NXN: variants seen among roughly 807,000 people sequenced by gnomAD.
The protein encoded by NXN is nucleoredoxin, also known as nucleoredoxin 1.
Under a neutral mutation model 48.6 loss-of-function variants are expected in NXN, and 16 were observed. The observed-to-expected ratio is 0.33, with a 90% CI of 0.22 to 0.50. The LOEUF is 0.50. Ranked by LOEUF, NXN falls within the 20% of genes least tolerant of loss-of-function variation. NXN has a pLI of 0.98. For synonymous variants in NXN, 281 were observed against 269.6 expected, an observed-to-expected ratio of 1.04 and a Z score of -0.41; for missense variants, 492 against 605.5, an observed-to-expected ratio of 0.81 and a Z score of 1.97.
intron 1 of NXN, among the ~76,000 whole-genome samples, chr17:857,870 C>T (rs2068002108): frequency 6.6e-6 from 1 of 152,114 alleles, no homozygotes. Context: ...TTCTTTCGGT[C>T]CTTCCAATTA....
intron 1 of NXN, among the ~76,000 whole-genome samples, chr17:895,538 C>A (rs988129147): frequency 6.6e-6 from 1 of 151,618 alleles, no homozygotes; most frequent in Non-Finnish European, 1.5e-5. Context: ...TGTGGCCGGG[C>A]GCAGTGGCTC....
At chr17:975,274 CT>C (rs1015991393) in intron 1 of NXN, among the ~76,000 whole-genome samples, 3 of 152,220 alleles carry the variant, frequency 2.0e-5, no homozygotes, top group African/African-American at 7.2e-5. Context: ...TTTTTGCCAT[CT>C]TTTCCCACCT....
At chr17:808,866 G>A (rs1048252488) in intron 5 of NXN, among the ~76,000 whole-genome samples, 5 of 136,340 alleles carry the variant, frequency 3.7e-5, no homozygotes, top group Non-Finnish European at 6.2e-5. Context: ...TAGTAGAGAC[G>A]GGGTTTCACC....
chr17:949,740 C>G (rs532731096), intron 1 of NXN, among the ~76,000 whole-genome samples: 2 of 149,922 alleles, frequency 1.3e-5, no homozygotes, highest in East Asian at 3.9e-4. Flanking sequence ...CCCCGCGGGC[C>G]TCCTCTGTTA....
intron 1 of NXN, among the ~76,000 whole-genome samples, chr17:960,489 G>A (rs1393547250): frequency 6.6e-6 from 1 of 151,516 alleles, no homozygotes; most frequent in Non-Finnish European, 1.5e-5. Context: ...GACTACAGGT[G>A]TGCACCAACA....
intron 1 of NXN, among the ~76,000 whole-genome samples, chr17:942,416 T>C (rs868020267): frequency 3.5e-4 from 14 of 40,182 alleles, no homozygotes; most frequent in Middle Eastern, 0.022. Context: ...CAGCCATGAA[T>C]TCACCACACA....
intron 1 of NXN, among the ~76,000 whole-genome samples, chr17:951,374 G>C (rs2069108746): frequency 6.7e-6 from 1 of 150,362 alleles, no homozygotes; most frequent in African/African-American, 2.4e-5. Flanking sequence ...AGACTGAACA[G>C]CTTCTCTTTA....
intron 1 of NXN, among the ~76,000 whole-genome samples, chr17:865,992 G>GA (rs1156938007): frequency 6.6e-6 from 1 of 151,050 alleles, no homozygotes; most frequent in Non-Finnish European, 1.5e-5. Context: ...CAAAAAAAAA[G>GA]AAAAAAAAGT....
chr17:883,842 G>A (rs2068312317), intron 1 of NXN, among the ~76,000 whole-genome samples: 2 of 152,198 alleles, frequency 1.3e-5, no homozygotes, highest in African/African-American at 2.4e-5. Flanking sequence ...GGGAGGCCCA[G>A]GCAGGCGGAT....
chr17:888,118 C>T (rs550921622), intron 1 of NXN, among the ~76,000 whole-genome samples: 1 of 152,116 alleles, frequency 6.6e-6, no homozygotes, highest in East Asian at 1.9e-4. Flanking sequence ...GTACGGGGTA[C>T]AGAGAGGGAC....
intron 1 of NXN, among the ~76,000 whole-genome samples, chr17:900,007 C>G (rs1413598116): frequency 6.6e-6 from 1 of 152,054 alleles, no homozygotes; most frequent in East Asian, 1.9e-4. Context: ...GGCTCATGCC[C>G]GTAATCCCAG....
At chr17:843,017 AAAGAAAG>A (rs1386157275) in intron 1 of NXN, among the ~76,000 whole-genome samples, 2 of 113,744 alleles carry the variant, frequency 1.8e-5, no homozygotes, top group African/African-American at 7.0e-5. Context: ...AGAAAGAAAG[AAAGAAAG>A]AAAGAAAGAA....
intron 1 of NXN, among the ~76,000 whole-genome samples, chr17:889,759 GAAAA>G (rs10587118): frequency 0.018 from 1,059 of 59,760 alleles, 39 homozygotes; most frequent in South Asian, 0.062. Flanking sequence ...AAGAAAGAAA[GAAAA>G]AGAAAGAAAG....
At chr17:937,191 C>T (rs1490932721) in intron 1 of NXN, among the ~76,000 whole-genome samples, 1 of 152,038 alleles carries the variant, frequency 6.6e-6, no homozygotes, top group Non-Finnish European at 1.5e-5. Flanking sequence ...ATCATGTTGG[C>T]CGGGCTGGTC....
chr17:928,192 A>G (rs976182284), intron 1 of NXN, among the ~76,000 whole-genome samples: 3 of 152,146 alleles, frequency 2.0e-5, no homozygotes, highest in African/African-American at 4.8e-5. Context: ...GGGGGTCTCA[A>G]GAGCACAGAG....
In NXN at chr17:916,189, G is replaced by A. The variant is rs181174080; in HGVS notation, c.360+63130C>T. On this transcript the variant is annotated intron_variant, in intron 1 of 7. Coordinates refer to ENST00000336868, the MANE Select transcript of NXN (RefSeq NM_022463.5). Reference sequence around the variant, plus strand: ...ACTTTGCTAGAAATCCTGGCACGTCGGCAACAGAAATGGAGGCAGAAAATT... The same window carrying A: ...ACTTTGCTAGAAATCCTGGCACGTCAGCAACAGAAATGGAGGCAGAAAATT... Among the ~76,000 whole-genome samples the A allele has an allele frequency of 8.1e-3, 1,228 of 152,186 alleles. 22 individuals are homozygous for A. Among genetic ancestry groups the A allele is most frequent in the African/African-American group, 0.027 (1,124 of 41,518 alleles).
At chr17:895,392 G>A (rs2068468322) in intron 1 of NXN, among the ~76,000 whole-genome samples, 1 of 152,044 alleles carries the variant, frequency 6.6e-6, no homozygotes, top group Non-Finnish European at 1.5e-5. Flanking sequence ...GCAAAAAAAT[G>A]AGAGAAAATG....
chr17:917,800 T>G lies in NXN; in HGVS notation c.360+61519A>C, dbSNP rs965179837. ...GCTCCCCAGGAAGGCCTCGCAGAGG[T>G]GGGGACAAGGGCGGATGGGAAAGGG... On this transcript the variant is annotated intron_variant, in intron 1 of 7. Coordinates refer to ENST00000336868, the MANE Select transcript of NXN (RefSeq NM_022463.5). This position sits in a 1 kb window ranked among gnomAD's most constrained non-coding sequence, Gnocchi z 4.5. Among the ~76,000 whole-genome samples, 60 of 151,220 alleles carry G rather than the reference T, an allele frequency of 4.0e-4. No individual in the cohort carries two copies. The highest frequency in any genetic ancestry group is 1.4e-3 in the African/African-American group (57 of 41,126).
At chr17:889,761 A>AAGAGAAAG (rs1555619043) in intron 1 of NXN, among the ~76,000 whole-genome samples, 1,009 of 70,796 alleles carry the variant, frequency 0.014, 45 homozygotes, top group East Asian at 0.033. Flanking sequence ...GAAAGAAAGA[A>AAGAGAAAG]AAAGAAAGAA....
Sources: allele counts gnomAD v4.1 joint callset (sites outside exome capture counted in the v4.1 genomes callset), GRCh38; gene constraint gnomAD v4.1.1; non-coding constraint Gnocchi (gnomAD v3.1); transcripts MANE v1.5; gene names NCBI Gene and HGNC (gene_info 2026-07-23, HGNC 2026-07-21).